Variants in FHAD1 observed in about 807,000 individuals in gnomAD.
The protein encoded by FHAD1 is forkhead associated phosphopeptide binding domain 1, also known as forkhead-associated domain-containing protein 1.
A neutral mutation model predicts 191.3 loss-of-function variants in FHAD1; 146 were observed. The ratio of observed to expected loss-of-function variants is 0.76; its 90% CI spans 0.67 to 0.88. The LOEUF (loss-of-function observed/expected upper bound fraction) is 0.88, where lower values mean the gene tolerates loss of function less well. Ranked by LOEUF, FHAD1 falls within the 40% of genes least tolerant of loss-of-function variation. The pLI, the probability that FHAD1 is intolerant of heterozygous loss-of-function variation, is 0.00. For synonymous variants in FHAD1, 616 were observed against 672.3 expected (o/e 0.92, Z 1.29); for missense variants, 1,635 against 1,785.8 (o/e 0.92, Z 1.52).
chr1:15,334,971 C>T (rs1354946355), intron 14 of FHAD1, among the ~76,000 whole-genome samples: 1 of 152,228 alleles, frequency 6.6e-6, no homozygotes, highest in African/African-American at 2.4e-5. Flanking sequence ...CCCCTCCAAC[C>T]TCAAACTCCC....
At chr1:15,309,840 G>A (rs1266605271) in intron 7 of FHAD1, among the ~76,000 whole-genome samples, 1 of 152,112 alleles carries the variant, frequency 6.6e-6, no homozygotes, top group Non-Finnish European at 1.5e-5. Context: ...AGGGGCTGTC[G>A]GGAGGCCCCT....
chr1:15,400,450 C>G (rs1707069196), downstream of FHAD1, among the ~76,000 whole-genome samples: 1 of 152,188 alleles, frequency 6.6e-6, no homozygotes, highest in African/African-American at 2.4e-5. Flanking sequence ...TGGCCTCTTT[C>G]ATACACCTGG....
chr1:15,345,144 G>A lies in FHAD1; in HGVS notation c.2192G>A (p.Arg731Gln), dbSNP rs140526241. 2.8e-5 allele frequency: 43 copies of A among 1,551,816 alleles called. No individual in the cohort carries two copies. The highest frequency in any genetic ancestry group is 2.7e-4 in the African/African-American group (20 of 73,146). ...GCGAAAGAGACTTTAGAGGAAGAAC[G>A]GAAGAGAATGCAAGAACTGGAGAGC... ...NRAKETLEEERKRMQELESLL... is the reference protein window; with the variant it reads ...NRAKETLEEEQKRMQELESLL... Residue 731 changes from arginine (R) to glutamine (Q), a missense_variant, in exon 17 of 34, where the codon CGG (arginine) becomes CAG (glutamine). Coordinates refer to ENST00000688493, the MANE Select transcript of FHAD1 (RefSeq NM_001391957.1).
chr1:15,362,377 G>T (rs552688701), intron 22 of FHAD1, among the ~76,000 whole-genome samples: 6 of 152,192 alleles, frequency 3.9e-5, no homozygotes, highest in African/African-American at 1.4e-4. Context: ...GTGGGTCGCC[G>T]GCAGCTTCCA....
chr1:15,290,598 C>T (rs1558016939), intron 4 of FHAD1, among the ~76,000 whole-genome samples: 1 of 152,146 alleles, frequency 6.6e-6, no homozygotes, highest in African/African-American at 2.4e-5. Context: ...CCACGGTTTA[C>T]ATCATCATCA....
Position 15,381,015 on chromosome 1 carries a change from A to G in FHAD1, c.3802-216A>G, listed in dbSNP as rs1246529588. 6.6e-6 allele frequency among the ~76,000 whole-genome samples: 1 copy of G among 152,146 alleles called. No homozygotes were observed. The highest frequency in any genetic ancestry group is 1.5e-5 in the Non-Finnish European group (1 of 68,024). ...GAATGAAGTGTTTATATCTGTTGTC[A>G]TTTTTCACCCCCGGTTCTCAAAAAA... On this transcript the variant is annotated intron_variant, in intron 29 of 33. Transcript: ENST00000688493. This position sits in a 1 kb window ranked among gnomAD's most constrained non-coding sequence, Gnocchi z 4.6.
At chr1:15,267,066 A>G (rs1379972418) in intron 2 of FHAD1, among the ~76,000 whole-genome samples, 1 of 152,248 alleles carries the variant, frequency 6.6e-6, no homozygotes, top group Non-Finnish European at 1.5e-5. Flanking sequence ...TTAAATCCCA[A>G]CAATAAGAAA....
intron 3 of FHAD1, among the ~76,000 whole-genome samples, chr1:15,275,209 G>A (rs573371313): frequency 1.4e-4 from 21 of 152,170 alleles, no homozygotes; most frequent in African/African-American, 3.1e-4. Context: ...TGATCCGCCC[G>A]TCTCAGCCTC....
chr1:15,380,736 A>C lies in FHAD1; in HGVS notation c.3741A>C (p.Ser1247=), dbSNP rs373004740. The change falls in exon 29 of 34, where the codon TCA becomes TCC. Residue 1247 remains serine (S), a synonymous_variant. Transcript: ENST00000688493. ...GCCTTTGCAACGCAAGGTTCGGCTC[A>C]GCCATGGAGAAGTCAGGGAAGATGG... ...QNGLCNARFG[S]AMEKSGKMDV... 1.2e-5 allele frequency: 19 copies of C among 1,551,766 alleles called. No individual in the cohort carries two copies. The highest frequency in any genetic ancestry group is 5.9e-5 in the South Asian group (5 of 84,060).
In FHAD1 at chr1:15,316,776, C is replaced by A. The variant is rs1674595918; in HGVS notation, c.1260+309C>A. Among the ~76,000 whole-genome samples the A allele has an allele frequency of 6.6e-6, 1 of 152,182 alleles. No individual in the cohort carries two copies. ...GCCACCACATGGTCCCCTGCCCCACCCCTGACCTGTGACTCCCAAACATGT... is the reference window on the plus strand; with the variant it reads ...GCCACCACATGGTCCCCTGCCCCACACCTGACCTGTGACTCCCAAACATGT... On this transcript the variant is annotated intron_variant, in intron 9 of 33. Coordinates refer to ENST00000688493, the MANE Select transcript of FHAD1 (RefSeq NM_001391957.1). The surrounding 1 kb of genome is among the most constrained non-coding windows in gnomAD (Gnocchi z 4.3).
intron 14 of FHAD1, among the ~76,000 whole-genome samples, chr1:15,332,630 A>G (rs12734769): frequency 0.34 from 52,002 of 152,066 alleles, 9,308 homozygotes; most frequent in African/African-American, 0.43. Flanking sequence ...GAGCCAGGAG[A>G]ATCCCTTGAG....
upstream of FHAD1, among the ~76,000 whole-genome samples, chr1:15,244,650 C>G (rs752338030): frequency 9.9e-5 from 15 of 152,124 alleles, no homozygotes; most frequent in Non-Finnish European, 2.1e-4. This position sits in a 1 kb window ranked among gnomAD's most constrained non-coding sequence, Gnocchi z 5.1. Flanking sequence ...GGGCTTCCCC[C>G]TGCATATTTA....
chr1:15,324,676 T>C, intron 11 of FHAD1, 117 bp downstream of exon 11: 1 of 721,766 alleles, frequency 1.4e-6, no homozygotes, highest in Non-Finnish European at 2.5e-6. Flanking sequence ...GTGCGTTAAT[T>C]CTCCCATTTA....
intron 4 of FHAD1, among the ~76,000 whole-genome samples, chr1:15,293,187 A>C (rs911260427): frequency 6.6e-6 from 1 of 152,176 alleles, no homozygotes; most frequent in African/African-American, 2.4e-5. Flanking sequence ...TGTGTAACCC[A>C]AACCCCTGTC....
At chr1:15,299,224 A>AAAAGG (rs1667957312) in intron 5 of FHAD1, among the ~76,000 whole-genome samples, 2 of 147,568 alleles carry the variant, frequency 1.4e-5, no homozygotes, top group Admixed American at 6.8e-5. Context: ...AAAAGGAAAA[A>AAAAGG]AAAAAAAAGA....
Position 15,327,264 on chromosome 1 carries a change from G to A in FHAD1, c.1557+122G>A, listed in dbSNP as rs1679092860. 1 of 625,106 alleles carries A rather than the reference G, an allele frequency of 1.6e-6. No individual in the cohort carries two copies. Among genetic ancestry groups the A allele is most frequent in the Non-Finnish European group, 2.8e-6 (1 of 353,572 alleles). The allele number at this position is 625,106 out of a possible 1,614,324, so 38.7% of individuals were successfully genotyped here. Reference sequence around the variant, plus strand: ...TTGTTGGTGGCATATTTTTCACACTGTTGCTACACCATAAAGATTTGTTTT... The same window carrying A: ...TTGTTGGTGGCATATTTTTCACACTATTGCTACACCATAAAGATTTGTTTT... On this transcript the variant is annotated intron_variant, in intron 12 of 33. Coordinates refer to ENST00000688493, the MANE Select transcript of FHAD1 (RefSeq NM_001391957.1). This position sits in a 1 kb window ranked among gnomAD's most constrained non-coding sequence, Gnocchi z 5.1.
intron 5 of FHAD1, among the ~76,000 whole-genome samples, chr1:15,298,562 G>C (rs896627714): frequency 1.6e-4 from 24 of 152,266 alleles, no homozygotes; most frequent in Middle Eastern, 6.8e-3. Flanking sequence ...TGGCCTCTGG[G>C]TTTCCAGAGG....
At chr1:15,377,143 G>A (rs912386139) in intron 28 of FHAD1, among the ~76,000 whole-genome samples, 2 of 152,208 alleles carry the variant, frequency 1.3e-5, no homozygotes, top group East Asian at 1.9e-4. Flanking sequence ...CCGAGGGCAC[G>A]TGTGCTGCCG....
chr1:15,345,535 G>C lies in FHAD1; in HGVS notation c.2346+12G>C. ...CCCGCCAGAAGGAGGTACGCTCGGG[G>C]AGATAGAGTCGGCTGAGCCCCAGTC... On this transcript the variant is annotated intron_variant, in intron 18 of 33. Transcript: ENST00000688493. The C allele has an allele frequency of 6.5e-7, 1 of 1,549,086 alleles. No individual in the cohort carries two copies.
Sources: allele counts gnomAD v4.1 joint callset (sites outside exome capture counted in the v4.1 genomes callset), GRCh38; gene constraint gnomAD v4.1.1; non-coding constraint Gnocchi (gnomAD v3.1); transcripts MANE v1.5; gene names NCBI Gene and HGNC (gene_info 2026-07-23, HGNC 2026-07-21).